Variants in HEMK2 observed in about 807,000 individuals in gnomAD.
HEMK2 encodes the protein HemK methyltransferase 2, ETF1 glutamine and histone H4 lysine, also known as methyltransferase HEMK2.
the HEMK2 span, among the ~76,000 whole-genome samples, chr21:28,708,587 T>C: frequency 6.6e-6 from 1 of 152,202 alleles, no homozygotes; most frequent in Non-Finnish European, 1.5e-5. Context: ...ACAATGGTTA[T>C]GACCAAGGAA....
the HEMK2 span, among the ~76,000 whole-genome samples, chr21:28,778,849 G>A: frequency 6.6e-6 from 1 of 151,972 alleles, no homozygotes; most frequent in Non-Finnish European, 1.5e-5. Flanking sequence ...CTGGATATGT[G>A]GTTTGCAAAT....
At chr21:28,672,335 G>A in the HEMK2 span, among the ~76,000 whole-genome samples, 2 of 151,808 alleles carry the variant, frequency 1.3e-5, no homozygotes, top group African/African-American at 4.8e-5. Flanking sequence ...AATTTCCACT[G>A]GAAATTTAAG....
the HEMK2 span, among the ~76,000 whole-genome samples, chr21:28,763,174 G>A: frequency 6.6e-6 from 1 of 152,130 alleles, no homozygotes; most frequent in Non-Finnish European, 1.5e-5. Context: ...GGGACATTGG[G>A]TAAGTCACTC....
At chr21:28,628,251 A>T in the HEMK2 span, among the ~76,000 whole-genome samples, 3 of 152,204 alleles carry the variant, frequency 2.0e-5, no homozygotes, top group Middle Eastern at 0.01. Context: ...TTTTTATTTG[A>T]CATGCTAACT....
chr21:28,778,644 T>C, the HEMK2 span, among the ~76,000 whole-genome samples: 2 of 152,190 alleles, frequency 1.3e-5, no homozygotes, highest in African/African-American at 4.8e-5. Flanking sequence ...AGTATCTCAC[T>C]GTAGTTTCTA....
chr21:28,676,156 C>T, the HEMK2 span, among the ~76,000 whole-genome samples: 1 of 152,200 alleles, frequency 6.6e-6, no homozygotes, highest in Non-Finnish European at 1.5e-5. Context: ...CTACCACAGA[C>T]TGGGTGGCTT....
chr21:28,836,878 A>G, the HEMK2 span, among the ~76,000 whole-genome samples: 2 of 152,222 alleles, frequency 1.3e-5, no homozygotes, highest in Non-Finnish European at 2.9e-5. Flanking sequence ...CTTACATCAG[A>G]CAAAACAAAC....
chr21:28,727,080 A>G, the HEMK2 span, among the ~76,000 whole-genome samples: 1 of 152,084 alleles, frequency 6.6e-6, no homozygotes, highest in Non-Finnish European at 1.5e-5. Context: ...GGAAGTAGGA[A>G]CATGAAAAGG....
the HEMK2 span, among the ~76,000 whole-genome samples, chr21:28,614,751 G>A: frequency 1.3e-5 from 2 of 152,130 alleles, no homozygotes; most frequent in Non-Finnish European, 2.9e-5. Context: ...GTGTGTTACC[G>A]GAAGTAGCAC....
chr21:28,768,997 A>T, the HEMK2 span, among the ~76,000 whole-genome samples: 2 of 151,984 alleles, frequency 1.3e-5, no homozygotes, highest in Non-Finnish European at 2.9e-5. Flanking sequence ...ACCAGCCAAC[A>T]TCTTAATCTT....
the HEMK2 span, among the ~76,000 whole-genome samples, chr21:28,654,622 T>C: frequency 2.6e-5 from 4 of 152,132 alleles, no homozygotes; most frequent in African/African-American, 9.6e-5. Flanking sequence ...CATTTTAATG[T>C]ATTTCTCTTA....
the HEMK2 span, among the ~76,000 whole-genome samples, chr21:28,624,861 A>C: frequency 1.3e-4 from 20 of 152,278 alleles, no homozygotes; most frequent in African/African-American, 4.8e-4. Flanking sequence ...CCAAGCACCA[A>C]AGAGGTCAGC....
the HEMK2 span, among the ~76,000 whole-genome samples, chr21:28,846,243 T>G: frequency 6.6e-6 from 1 of 152,196 alleles, no homozygotes; most frequent in South Asian, 2.1e-4. Flanking sequence ...TTGTGAAAAG[T>G]GCTGCAATGA....
the HEMK2 span, among the ~76,000 whole-genome samples, chr21:28,589,834 CATG>C: frequency 6.6e-6 from 1 of 152,212 alleles, no homozygotes; most frequent in South Asian, 2.1e-4. Context: ...TTTTGGAGAA[CATG>C]ATGTCACAAG....
the HEMK2 span, among the ~76,000 whole-genome samples, chr21:28,750,197 C>T: frequency 0.19 from 29,459 of 152,072 alleles, 3,566 homozygotes; most frequent in African/African-American, 0.34. Flanking sequence ...AAGAGAAACA[C>T]ATGAATATCC....
chr21:28,780,968 T>C, the HEMK2 span, among the ~76,000 whole-genome samples: 1 of 152,158 alleles, frequency 6.6e-6, no homozygotes, highest in Admixed American at 6.5e-5. Flanking sequence ...AGTGAAGACT[T>C]TTCATTGAGA....
At chr21:28,785,907 C>T in the HEMK2 span, among the ~76,000 whole-genome samples, 1 of 152,226 alleles carries the variant, frequency 6.6e-6, no homozygotes, top group African/African-American at 2.4e-5. Context: ...TATCAGTCAA[C>T]TCATACTCAT....
the HEMK2 span, among the ~76,000 whole-genome samples, chr21:28,652,554 G>A: frequency 6.6e-6 from 1 of 151,984 alleles, no homozygotes. Flanking sequence ...GCTCCCATGA[G>A]GGGAACCCAC....
At chr21:28,733,835 G>A in the HEMK2 span, among the ~76,000 whole-genome samples, 5,112 of 100,802 alleles carry the variant, frequency 0.051, 129 homozygotes, top group Non-Finnish European at 0.068. Context: ...CCATTAACTC[G>A]TCACTGTTTA....
Sources: gnomAD v4.1 joint callset for allele counts (sites outside exome capture counted in the v4.1 genomes callset) on GRCh38, gnomAD v4.1.1 for gene constraint, MANE v1.5 for transcripts, NCBI Gene and HGNC (gene_info 2026-07-23, HGNC 2026-07-21) for gene names.